Variants in SLC38A12 observed in about 807,000 individuals in gnomAD.
The protein encoded by SLC38A12 is putative sodium-coupled neutral amino acid transporter 12.
At chr17:74,818,502 T>A in the SLC38A12 span, among the ~76,000 whole-genome samples, 7 of 141,306 alleles carry the variant, frequency 5.0e-5, no homozygotes, top group Non-Finnish European at 9.3e-5. Context: ...CATCCTGCCC[T>A]CCTTATGGCC....
chr17:74,816,394 AGG>A, the SLC38A12 span, among the ~76,000 whole-genome samples: 9 of 152,218 alleles, frequency 5.9e-5, no homozygotes, highest in Non-Finnish European at 1.2e-4. Context: ...AGCGCATGTA[AGG>A]GACACAGGAG....
At chr17:74,821,120 G>T in the SLC38A12 span, among the ~76,000 whole-genome samples, 2 of 152,232 alleles carry the variant, frequency 1.3e-5, no homozygotes, top group African/African-American at 4.8e-5. Flanking sequence ...CACTCTGAGG[G>T]GTTGTATGTC....
the SLC38A12 span, chr17:74,838,156 C>A: frequency 4.6e-5 from 45 of 985,596 alleles, no homozygotes; most frequent in Non-Finnish European, 5.3e-5. Flanking sequence ...CTGGGAGAGT[C>A]CCTGCGTGGT....
chr17:74,819,752 G>A, the SLC38A12 span: 38 of 1,614,060 alleles, frequency 2.4e-5, no homozygotes, highest in East Asian at 2.5e-4. Flanking sequence ...TCCCCCAGGC[G>A]ATCTTCACTC....
At chr17:74,832,548 C>T in the SLC38A12 span, among the ~76,000 whole-genome samples, 4 of 152,278 alleles carry the variant, frequency 2.6e-5, no homozygotes, top group Admixed American at 2.6e-4. Flanking sequence ...GCCTCTCCCC[C>T]TCCTGGTGTG....
At chr17:74,836,803 T>C in the SLC38A12 span, 1 of 1,451,672 alleles carries the variant, frequency 6.9e-7, no homozygotes, top group Non-Finnish European at 9.0e-7. This position sits in a 1 kb window ranked among gnomAD's most constrained non-coding sequence, Gnocchi z 4.2. Flanking sequence ...GGACTGTGGC[T>C]CTAGGGGAAA....
At chr17:74,816,940 G>A in the SLC38A12 span, among the ~76,000 whole-genome samples, 16 of 152,190 alleles carry the variant, frequency 1.1e-4, no homozygotes, top group African/African-American at 3.1e-4. Context: ...AAAGTGCCAC[G>A]CTTGGCTGTT....
the SLC38A12 span, among the ~76,000 whole-genome samples, chr17:74,823,387 A>C: frequency 1.1e-3 from 172 of 152,324 alleles, no homozygotes; most frequent in Non-Finnish European, 1.7e-3. Context: ...AGCTGTGCTG[A>C]GGAGCCTTCG....
the SLC38A12 span, among the ~76,000 whole-genome samples, chr17:74,823,864 G>A: frequency 6.6e-6 from 1 of 152,274 alleles, no homozygotes; most frequent in Non-Finnish European, 1.5e-5. Context: ...CTCCCAAGGT[G>A]CACAGTTGGA....
chr17:74,828,384 A>AGT, the SLC38A12 span, among the ~76,000 whole-genome samples: 1 of 152,082 alleles, frequency 6.6e-6, no homozygotes, highest in Non-Finnish European at 1.5e-5. Context: ...CATGGCTCTG[A>AGT]GTGTGTGTGC....
At chr17:74,813,466 C>T in the SLC38A12 span, among the ~76,000 whole-genome samples, 1 of 152,176 alleles carries the variant, frequency 6.6e-6, no homozygotes, top group Non-Finnish European at 1.5e-5. Flanking sequence ...TCCTGTCTCC[C>T]CTTTCTTGTG....
chr17:74,803,118 A>G, the SLC38A12 span, among the ~76,000 whole-genome samples: 2 of 152,240 alleles, frequency 1.3e-5, no homozygotes, highest in East Asian at 1.9e-4. Context: ...TCCTTACTTT[A>G]CAGAAGGATT....
the SLC38A12 span, chr17:74,776,633 G>C: frequency 6.6e-6 from 1 of 150,482 alleles, no homozygotes; most frequent in Non-Finnish European, 1.5e-5. Flanking sequence ...GGTCGGGATA[G>C]GTTGGGGCGG....
At chr17:74,776,664 G>C in the SLC38A12 span, 2 of 152,714 alleles carry the variant, frequency 1.3e-5, no homozygotes, top group African/African-American at 4.8e-5. Context: ...CACTAGACTC[G>C]GGACTCCTCC....
the SLC38A12 span, among the ~76,000 whole-genome samples, chr17:74,787,824 C>T: frequency 3.4e-5 from 5 of 148,744 alleles, no homozygotes; most frequent in Non-Finnish European, 7.4e-5. Flanking sequence ...GACAGAATCT[C>T]GCTCTGTCAC....
chr17:74,777,037 T>C, the SLC38A12 span, among the ~76,000 whole-genome samples: 14 of 151,974 alleles, frequency 9.2e-5, no homozygotes, highest in Non-Finnish European at 8.8e-5. Context: ...AAAACATCCG[T>C]GCTGGGCACA....
At chr17:74,822,170 G>A in the SLC38A12 span, among the ~76,000 whole-genome samples, 15 of 152,330 alleles carry the variant, frequency 9.8e-5, no homozygotes, top group Admixed American at 2.0e-4. Context: ...GAGACCAGCT[G>A]TATCCCTGCA....
the SLC38A12 span, among the ~76,000 whole-genome samples, chr17:74,779,904 G>A: frequency 6.6e-6 from 1 of 152,244 alleles, no homozygotes; most frequent in Admixed American, 6.5e-5. Flanking sequence ...CCTCCTAGGT[G>A]GCTCAGATGT....
At chr17:74,825,963 A>G in the SLC38A12 span, among the ~76,000 whole-genome samples, 5 of 150,520 alleles carry the variant, frequency 3.3e-5, no homozygotes, top group African/African-American at 1.2e-4. Context: ...CATCTTCCTC[A>G]CTCTCTCCTT....
Sources: allele counts gnomAD v4.1 joint callset (sites outside exome capture counted in the v4.1 genomes callset), GRCh38; gene constraint gnomAD v4.1.1; non-coding constraint Gnocchi (gnomAD v3.1); transcripts MANE v1.5; gene names NCBI Gene and HGNC (gene_info 2026-07-23, HGNC 2026-07-21).